Variants in ATR observed in about 807,000 individuals in gnomAD.
The protein encoded by ATR is serine/threonine-protein kinase ATR.
A neutral mutation model predicts 305.3 loss-of-function variants in ATR; 142 were observed. That is an observed-to-expected ratio of 0.47 (90% confidence interval 0.41 to 0.53). The LOEUF is 0.53. ATR is among the 20% of genes least tolerant of loss of function. The pLI, the probability that ATR is intolerant of heterozygous loss-of-function variation, is 0.00. For missense variants in ATR, 2,135 were observed against 3,133.1 expected (o/e 0.68, Z 7.60); for synonymous variants, 1,050 against 1,068.1 (o/e 0.98, Z 0.33).
chr3:142,467,112 A>G (rs1577508545), intron 39 of ATR, among the ~76,000 whole-genome samples: 1 of 152,212 alleles, frequency 6.6e-6, no homozygotes, highest in East Asian at 1.9e-4. Context: ...GATAAAGGAA[A>G]GGTGAGAAAT....
At chr3:142,495,377 T>C (rs547934745) in intron 34 of ATR, among the ~76,000 whole-genome samples, 2 of 152,284 alleles carry the variant, frequency 1.3e-5, no homozygotes, top group Non-Finnish European at 2.9e-5. Context: ...AACATGCTAT[T>C]ATTATTAGTA....
intron 21 of ATR, among the ~76,000 whole-genome samples, chr3:142,525,081 T>C (rs2033314470): frequency 6.6e-6 from 1 of 152,196 alleles, no homozygotes; most frequent in Non-Finnish European, 1.5e-5. Context: ...ATTTCTTAAA[T>C]AACATTACAG....
chr3:142,510,006 C>T (rs2032467058), intron 27 of ATR, among the ~76,000 whole-genome samples: 2 of 150,668 alleles, frequency 1.3e-5, no homozygotes, highest in South Asian at 2.1e-4. Flanking sequence ...GCCCCAGCTA[C>T]TCAGGAGGCT....
chr3:142,486,959 C>CAAAAAAA (rs60024459), intron 35 of ATR, among the ~76,000 whole-genome samples: 89 of 69,696 alleles, frequency 1.3e-3, no homozygotes, highest in Non-Finnish European at 1.4e-3. Context: ...ACTAAAAATA[C>CAAAAAAA]AAAAAAAAAA....
At chr3:142,474,991 T>A (rs2071399411) in intron 36 of ATR, among the ~76,000 whole-genome samples, 1 of 152,090 alleles carries the variant, frequency 6.6e-6, no homozygotes, top group African/African-American at 2.4e-5. Flanking sequence ...AAATTGGGAA[T>A]AGTGGTTGCC....
chr3:142,455,187 T>G (rs1394978915), intron 45 of ATR, among the ~76,000 whole-genome samples: 1 of 152,020 alleles, frequency 6.6e-6, no homozygotes, highest in East Asian at 1.9e-4. Flanking sequence ...AGGAATAAAA[T>G]ACTTAGGAAT....
intron 36 of ATR, among the ~76,000 whole-genome samples, chr3:142,484,122 T>C (rs1176328941): frequency 1.3e-5 from 2 of 152,178 alleles, no homozygotes; most frequent in Non-Finnish European, 2.9e-5. Flanking sequence ...CTCTATGAGC[T>C]TCTCCTGTCC....
At chr3:142,466,668 T>C in intron 39 of ATR, 135 bp from the exon 40 acceptor site, 1 of 795,478 alleles carries the variant, frequency 1.3e-6, no homozygotes, top group African/African-American at 1.7e-5. Flanking sequence ...ATCATCCCAT[T>C]TTAACCTCTG....
intron 1 of ATR, among the ~76,000 whole-genome samples, chr3:142,574,709 G>A (rs2035382358): frequency 6.6e-6 from 1 of 152,144 alleles, no homozygotes; most frequent in South Asian, 2.1e-4. Context: ...CAAACAAGAG[G>A]TAATTATGGT....
rs2108271084 is a variant in ATR at position 142,465,156 on chromosome 3, G to T, written c.6982C>A (p.Pro2328Thr). The change falls in exon 41 of 47, where the codon CCA becomes ACA. Residue 2328 changes from proline (P) to threonine (T), a missense_variant. Transcript: ENST00000350721. ...DGKFYIMMCK[P>T]KDDLRKDCRL... Reference sequence around the variant, plus strand: ...CAATCCTTTCTCAGGTCATCTTTTGGCTTACACATCATGATGTAGAACTTT... The same window carrying T: ...CAATCCTTTCTCAGGTCATCTTTTGTCTTACACATCATGATGTAGAACTTT... 1 of 1,606,942 alleles carries T rather than the reference G, an allele frequency of 6.2e-7. No homozygotes were observed. The highest frequency in any genetic ancestry group is 8.5e-7 in the Non-Finnish European group (1 of 1,175,220).
chr3:142,556,342 C>T (rs2034671748), intron 9 of ATR, 41 bp downstream of exon 9: 1 of 1,578,190 alleles, frequency 6.3e-7, no homozygotes, highest in South Asian at 1.1e-5. Flanking sequence ...TATGATCTTT[C>T]CAATAGAGTG....
intron 23 of ATR, 35 bp downstream of exon 23, chr3:142,522,693 A>C: frequency 6.6e-7 from 1 of 1,511,452 alleles, no homozygotes; most frequent in Non-Finnish European, 9.2e-7. Context: ...TGAATTAAAC[A>C]ATTTAAAGCC....
At chr3:142,463,793 T>C (rs1321303611) in intron 41 of ATR, among the ~76,000 whole-genome samples, 1 of 152,238 alleles carries the variant, frequency 6.6e-6, no homozygotes, top group African/African-American at 2.4e-5. Flanking sequence ...CCAAGCAGAC[T>C]ATAACTTTTT....
intron 41 of ATR, among the ~76,000 whole-genome samples, chr3:142,462,431 G>A (rs2071039100): frequency 6.6e-6 from 1 of 151,560 alleles, no homozygotes; most frequent in Non-Finnish European, 1.5e-5. Flanking sequence ...AGGTATTACT[G>A]AAACATTAAG....
Position 142,476,974 on chromosome 3 carries a change from T to C in ATR, c.6222-6791A>G, listed in dbSNP as rs143011613. On this transcript the variant is annotated intron_variant, in intron 36 of 46. Coordinates refer to ENST00000350721, the MANE Select transcript of ATR (RefSeq NM_001184.4). ...CCTGAGACTTTGGTGAAGTTGCTTATCAGCTTAAAGAAATTTGGGGCTGAG... is the reference window on the plus strand; with the variant it reads ...CCTGAGACTTTGGTGAAGTTGCTTACCAGCTTAAAGAAATTTGGGGCTGAG... Among the ~76,000 whole-genome samples the C allele has an allele frequency of 7.2e-3, 1,096 of 152,344 alleles. 34 individuals carry two copies. The East Asian group carries it at 0.1, about 14-fold the overall frequency.
chr3:142,553,276 C>G lies in ATR; in HGVS notation c.2756G>C (p.Ser919Thr), dbSNP rs746370472. The change falls in exon 13 of 47, where the codon AGT becomes ACT. Residue 919 changes from serine (S) to threonine (T), a missense_variant. Transcript: ENST00000350721. The part of the protein sequence containing the change: ...TEIRALVAAK[S>T]VKLQSFFSQY... ...GCTGAAAAAACTTTGCAGTTTAACA[C>G]TTTTAGCTGCAACCAGAGCTCTAAT... is the stretch of plus-strand genomic sequence containing the variant. 46 of 1,614,108 alleles carry G rather than the reference C, an allele frequency of 2.8e-5. 1 individual carries two copies. Among genetic ancestry groups the G allele is most frequent in the Non-Finnish European group, 3.9e-5 (46 of 1,180,014 alleles).
intron 36 of ATR, among the ~76,000 whole-genome samples, chr3:142,474,167 T>C (rs780375255): frequency 2.0e-5 from 3 of 151,746 alleles, no homozygotes; most frequent in African/African-American, 7.3e-5. Flanking sequence ...CCTCAAGTGA[T>C]CCACCTGCCT....
chr3:142,451,207 C>T (rs2070782791), intron 46 of ATR: 5 of 1,187,296 alleles, frequency 4.2e-6, no homozygotes, highest in South Asian at 3.4e-5. Context: ...AGGTGCAGTA[C>T]CACCTGATGC....
At chr3:142,482,815 G>C (rs2030607623) in intron 36 of ATR, among the ~76,000 whole-genome samples, 4 of 149,698 alleles carry the variant, frequency 2.7e-5, no homozygotes, top group Admixed American at 6.6e-5. Flanking sequence ...CTCAGTGACA[G>C]AGTGATACTT....
Sources: allele counts gnomAD v4.1 joint callset (sites outside exome capture counted in the v4.1 genomes callset), GRCh38; gene constraint gnomAD v4.1.1; transcripts MANE v1.5; gene names NCBI Gene and HGNC (gene_info 2026-07-23, HGNC 2026-07-21).